PTPN7: variants seen among roughly 807,000 people sequenced by gnomAD.
PTPN7 encodes the protein protein tyrosine phosphatase non-receptor type 7.
Under a neutral mutation model 50.3 loss-of-function variants are expected in PTPN7, and 33 were observed. That is an observed-to-expected ratio of 0.66 (90% CI 0.50 to 0.88). The LOEUF (loss-of-function observed/expected upper bound fraction) is 0.88. Among genes scored for constraint, PTPN7 ranks in the 40% least tolerant of loss-of-function variants. The pLI is 0.00. For synonymous variants in PTPN7, 185 were observed against 186.6 expected, an observed-to-expected ratio of 0.99 and a Z score of 0.07; for missense variants, 412 against 475.4, an observed-to-expected ratio of 0.87 and a Z score of 1.24.
intron 9 of PTPN7, 30 bp downstream of exon 9, chr1:202,150,278 CGTT>C: frequency 1.9e-6 from 3 of 1,546,514 alleles, no homozygotes; most frequent in Non-Finnish European, 2.7e-6. Flanking sequence ...CATCCGTTAA[CGTT>C]GTTGGCCTTG....
At chr1:202,160,633 C>T (rs1458474378), upstream of PTPN7, 8 of 1,550,440 alleles carry the variant, frequency 5.2e-6, no homozygotes, top group South Asian at 3.6e-5. This position sits in a 1 kb window ranked among gnomAD's most constrained non-coding sequence, Gnocchi z 4.8. Flanking sequence ...CTCCAGGAAG[C>T]CAGCTTCCTC....
chr1:202,150,565 A>T, intron 8 of PTPN7, 141 bp from the exon 9 acceptor site: 3 of 644,428 alleles, frequency 4.7e-6, no homozygotes, highest in South Asian at 1.8e-5. Context: ...GGCAGGTAGC[A>T]GTACTCTGCT....
chr1:202,157,495 G>A (rs564434815), intron 4 of PTPN7, among the ~76,000 whole-genome samples: 3 of 150,932 alleles, frequency 2.0e-5, no homozygotes, highest in African/African-American at 7.4e-5. Context: ...GGTGACGAGA[G>A]TGAAAACTCC....
intron 9 of PTPN7, chr1:202,150,057 T>A: frequency 2.8e-6 from 1 of 355,236 alleles, no homozygotes; most frequent in South Asian, 3.2e-5. Flanking sequence ...GGTCTCGAAC[T>A]CCTGGGCTCA....
chr1:202,161,206 G>A, upstream of PTPN7: 1 of 1,116,322 alleles, frequency 9.0e-7, no homozygotes, highest in Admixed American at 4.2e-5. Flanking sequence ...GGCCAAAAAG[G>A]TCGTCTCCAC....
At chr1:202,153,004 G>C (rs1209236514) in intron 7 of PTPN7, among the ~76,000 whole-genome samples, 1 of 152,202 alleles carries the variant, frequency 6.6e-6, no homozygotes. Flanking sequence ...AATGGGAACA[G>C]TGATATCTTA....
intron 9 of PTPN7, chr1:202,149,820 CTTTTTTTTGTTTTT>C (rs1393104872): frequency 8.1e-6 from 1 of 123,188 alleles, no homozygotes; most frequent in African/African-American, 3.2e-5. Flanking sequence ...GACAGATATT[CTTTTTTTTGTTTTT>C]TTTTTTTTTT....
intron 2 of PTPN7, chr1:202,158,939 G>T (rs1657007761): frequency 1.8e-5 from 5 of 270,734 alleles, no homozygotes; most frequent in East Asian, 7.8e-5. Flanking sequence ...CTCTCCCTTT[G>T]TCAGCCAGAA....
rs945564742 is a variant in PTPN7, at chr1:202,159,895, G to T, written c.-52-441C>A. 9.8e-7 allele frequency: 1 copy of T among 1,020,420 alleles called. No individual in the cohort carries two copies. Among genetic ancestry groups the T allele is most frequent in the African/African-American group, 1.7e-5 (1 of 58,496 alleles). The allele number at this position is 1,020,420 out of a possible 1,614,324, so 63.2% of individuals were successfully genotyped here. On this transcript the variant is annotated intron_variant, in intron 1 of 9. Coordinates refer to ENST00000691036, the MANE Select transcript of PTPN7 (RefSeq NM_002832.4). The surrounding 1 kb of genome is among the most constrained non-coding windows in gnomAD (Gnocchi z 4.6). The stretch of plus-strand genomic sequence containing the variant: ...GAACAGAGAATGGAGGCCTCCAGCA[G>T]TGTTGGAGCTGGTTGGGCAGCCAGG...
intron 9 of PTPN7, 64 bp from the exon 10 acceptor site, chr1:202,148,763 G>T: frequency 1.5e-6 from 2 of 1,353,926 alleles, no homozygotes; most frequent in Non-Finnish European, 2.1e-6. Context: ...AATGGCTCCA[G>T]TCAAACATCC....
intron 6 of PTPN7, 63 bp downstream of exon 6, chr1:202,154,123 G>T (rs1219997454): frequency 2.2e-5 from 35 of 1,601,832 alleles, no homozygotes; most frequent in Non-Finnish European, 2.8e-5. Context: ...CTGTGTGTGG[G>T]GTGGGGGTGG....
chr1:202,153,779 G>A lies in PTPN7; in HGVS notation c.663C>T (p.Arg221=). ...CTGGGCACTCTTTCATGTCCTGGAT[G>A]CGGATCTGGAAGGGTCCATAGGTTT... ...EEETYGPFQI[R]IQDMKECPEY... is the part of the protein sequence containing the mutation. Residue 221 remains arginine (R), a synonymous_variant, in exon 7 of 10, where the codon CGC becomes CGT. Transcript: ENST00000691036. The A allele has an allele frequency of 1.9e-6, 3 of 1,614,160 alleles. No homozygotes were observed. The highest frequency in any genetic ancestry group is 2.5e-6 in the Non-Finnish European group (3 of 1,179,998).
At chr1:202,161,146 G>C, upstream of PTPN7, 1 of 1,191,084 alleles carries the variant, frequency 8.4e-7, no homozygotes, top group Non-Finnish European at 1.1e-6. Flanking sequence ...TGGGGAAAAA[G>C]AAGAAGCAAG....
At chr1:202,150,217 G>T in intron 9 of PTPN7, 94 bp downstream of exon 9, 1 of 933,952 alleles carries the variant, frequency 1.1e-6, no homozygotes, top group South Asian at 1.4e-5. Context: ...TTGCAGGAGT[G>T]CTTGATGGTG....
chr1:202,161,553 C>T (rs537690274), upstream of PTPN7: 36 of 1,287,310 alleles, frequency 2.8e-5, no homozygotes, highest in Admixed American at 4.2e-4. Context: ...GCAGCCCAGC[C>T]GGTTCATGCT....
chr1:202,153,172 T>G (rs535763181), intron 7 of PTPN7, among the ~76,000 whole-genome samples: 8 of 152,342 alleles, frequency 5.3e-5, no homozygotes, highest in Non-Finnish European at 1.0e-4. Context: ...TTGTTTGTTT[T>G]TTTTTGAGAC....
At position 202,148,378 on chromosome 1, in the gene PTPN7, A is replaced by G; in HGVS notation, c.*228T>C. 1 of 468,248 alleles carries G rather than the reference A, an allele frequency of 2.1e-6. No individual in the cohort carries two copies. Among genetic ancestry groups the G allele is most frequent in the Non-Finnish European group, 3.8e-6 (1 of 261,814 alleles). The allele number at this position is 468,248 out of a possible 1,614,324, so 29.0% of individuals were successfully genotyped here. ...ACATTGGAGGTTCCCCTTACTGTCC[A>G]TCTGGGGCCAACAGAGGAAGCAGAG... On this transcript the variant is annotated 3_prime_UTR_variant, in exon 10 of 10. Transcript: ENST00000691036.
chr1:202,160,703 C>T, upstream of PTPN7: 8 of 1,550,532 alleles, frequency 5.2e-6, no homozygotes, highest in Non-Finnish European at 6.1e-6. The surrounding 1 kb of genome is among the most constrained non-coding windows in gnomAD (Gnocchi z 4.8). Context: ...CCTCCTGTGC[C>T]TGCTGCCGCT....
chr1:202,152,726 C>T, intron 7 of PTPN7, 27 bp from the exon 8 acceptor site: 2 of 1,611,804 alleles, frequency 1.2e-6, no homozygotes, highest in Non-Finnish European at 1.7e-6. Context: ...GCATGAGAAC[C>T]AAGGTCAGGG....
Sources: gnomAD v4.1 joint callset for allele counts (sites outside exome capture counted in the v4.1 genomes callset) on GRCh38, gnomAD v4.1.1 for gene constraint, Gnocchi (gnomAD v3.1) non-coding constraint, MANE v1.5 for transcripts, NCBI Gene and HGNC (gene_info 2026-07-23, HGNC 2026-07-21) for gene names.